The following FHIT variants were observed in gnomAD, a reference collection of about 807,000 sequenced individuals.
FHIT encodes the protein fragile histidine triad diadenosine triphosphatase.
FHIT carries 19 observed loss-of-function variants against 17.9 expected under a neutral mutation model. The observed-to-expected ratio is 1.06, with a 90% CI of 0.74 to 1.56. The LOEUF is 1.56. FHIT is among the 40% of genes most tolerant of loss of function. FHIT has a pLI of 0.00. For synonymous variants in FHIT, 81 were observed against 69.7 expected (o/e 1.16, Z -0.81); for missense variants, 248 against 189.2 (o/e 1.31, Z -1.82).
At chr3:60,143,982 T>G (rs1450331135) in intron 5 of FHIT, among the ~76,000 whole-genome samples, 1 of 152,126 alleles carries the variant, frequency 6.6e-6, no homozygotes, top group Non-Finnish European at 1.5e-5. Flanking sequence ...GCTTCCAAAG[T>G]AACAACACTA....
intron 5 of FHIT, among the ~76,000 whole-genome samples, chr3:60,212,020 G>C (rs945824336): frequency 1.3e-5 from 2 of 152,178 alleles, no homozygotes; most frequent in Non-Finnish European, 2.9e-5. Context: ...TAGTACACTA[G>C]GTTAAATTCT....
intron 3 of FHIT, among the ~76,000 whole-genome samples, chr3:60,888,530 C>T (rs1553759838): frequency 6.6e-6 from 1 of 151,946 alleles, no homozygotes; most frequent in African/African-American, 2.4e-5. Context: ...GTTTATTGAT[C>T]TCCTTTAAAT....
At chr3:60,789,949 A>G (rs2108117264) in intron 4 of FHIT, among the ~76,000 whole-genome samples, 1 of 152,320 alleles carries the variant, frequency 6.6e-6, no homozygotes, top group Non-Finnish European at 1.5e-5. Context: ...GTTTTCCCAG[A>G]AGTGTAGCGT....
rs529295505 is a variant in FHIT, at chr3:60,801,629, G to A, written c.-18+20290C>T. Among the ~76,000 whole-genome samples the A allele has an allele frequency of 2.0e-5, 3 of 152,310 alleles. No individual in the cohort carries two copies. The South Asian group carries it at 6.2e-4, about 32-fold the overall frequency. On this transcript the variant is annotated intron_variant, in intron 4 of 9. Transcript: ENST00000492590. ...ACGTCATGTGACCTTACAGACCAAG[G>A]TTATGCAAAAGAGAAATGAAAATTA...
intron 7 of FHIT, among the ~76,000 whole-genome samples, chr3:59,932,647 C>A (rs1471492055): frequency 6.6e-6 from 1 of 152,024 alleles, no homozygotes; most frequent in Non-Finnish European, 1.5e-5. Flanking sequence ...ATTAAGAAAA[C>A]AGGTGTTGAG....
chr3:61,062,474 A>T (rs992799952), intron 2 of FHIT, among the ~76,000 whole-genome samples: 4 of 152,308 alleles, frequency 2.6e-5, no homozygotes, highest in African/African-American at 4.8e-5. Flanking sequence ...ATACGATCTT[A>T]TATCTCTAGA....
chr3:60,955,386 G>C (rs570918745), intron 3 of FHIT, among the ~76,000 whole-genome samples: 1 of 151,962 alleles, frequency 6.6e-6, no homozygotes, highest in South Asian at 2.1e-4. Flanking sequence ...CCTTAGTTCT[G>C]GGGTGAATAG....
chr3:60,782,662 T>A (rs956259791), intron 4 of FHIT, among the ~76,000 whole-genome samples: 1 of 152,318 alleles, frequency 6.6e-6, no homozygotes, highest in South Asian at 2.1e-4. Flanking sequence ...CTTATTCCAT[T>A]CATGCTGCTA....
intron 2 of FHIT, among the ~76,000 whole-genome samples, chr3:61,074,015 G>T (rs1240764316): frequency 1.3e-5 from 2 of 152,174 alleles, no homozygotes; most frequent in Non-Finnish European, 2.9e-5. Context: ...TCCCAGGCAT[G>T]GGTTATTAGA....
At chr3:60,614,099 G>A (rs1211251997) in intron 4 of FHIT, among the ~76,000 whole-genome samples, 17 of 152,220 alleles carry the variant, frequency 1.1e-4, no homozygotes, top group Admixed American at 9.2e-4. Context: ...AAGCAGCCAT[G>A]ACTGGACACA....
chr3:60,186,026 G>A (rs528201734), intron 5 of FHIT, among the ~76,000 whole-genome samples: 7 of 151,994 alleles, frequency 4.6e-5, no homozygotes, highest in Non-Finnish European at 1.0e-4. Context: ...GAGTTGTAAG[G>A]GTTCTTTCTA....
chr3:59,903,899 C>G (rs1704453324), intron 8 of FHIT, among the ~76,000 whole-genome samples: 1 of 152,100 alleles, frequency 6.6e-6, no homozygotes, highest in Non-Finnish European at 1.5e-5. Context: ...CTTCCTCCAG[C>G]TTTGGAATGT....
intron 5 of FHIT, among the ~76,000 whole-genome samples, chr3:60,162,243 T>C (rs191906458): frequency 6.6e-6 from 1 of 152,322 alleles, no homozygotes; most frequent in African/African-American, 2.4e-5. Flanking sequence ...TTTTAAAATT[T>C]TGTTGTGTCA....
chr3:60,969,481 G>A (rs976260119), intron 3 of FHIT, among the ~76,000 whole-genome samples: 24 of 151,742 alleles, frequency 1.6e-4, no homozygotes, highest in African/African-American at 5.6e-4. Context: ...AAGAATTTAA[G>A]GCTATAAATT....
chr3:60,614,809 G>GTTTTTTTTTTTTTTTTTTTTTT (rs147892145), intron 4 of FHIT, among the ~76,000 whole-genome samples: 1 of 78,226 alleles, frequency 1.3e-5, no homozygotes, highest in Non-Finnish European at 2.4e-5. Context: ...TGCAAAAGTT[G>GTTTTTTTTTTTTTTTTTTTTTT]TTTTTTTTTT....
chr3:61,233,649 T>A (rs891658979), intron 1 of FHIT, among the ~76,000 whole-genome samples: 2 of 152,194 alleles, frequency 1.3e-5, no homozygotes, highest in East Asian at 1.9e-4. Context: ...AGTGGCAAGA[T>A]TATGGGTGAA....
chr3:60,963,537 G>T (rs1709566267), intron 3 of FHIT, among the ~76,000 whole-genome samples: 2 of 152,158 alleles, frequency 1.3e-5, no homozygotes, highest in African/African-American at 4.8e-5. Context: ...GTCAATTTTA[G>T]ATCTTTCCTG....
At chr3:60,071,455 T>C (rs1257388310) in intron 5 of FHIT, among the ~76,000 whole-genome samples, 1 of 152,204 alleles carries the variant, frequency 6.6e-6, no homozygotes, top group Middle Eastern at 3.2e-3. Flanking sequence ...CCTCTTGATT[T>C]CTGTACTATA....
chr3:61,097,078 C>CAA (rs4020380), intron 2 of FHIT, among the ~76,000 whole-genome samples: 9 of 99,724 alleles, frequency 9.0e-5, no homozygotes, highest in Admixed American at 2.1e-4. Flanking sequence ...GACTCAATCT[C>CAA]AAAAAAAAAA....
Sources: allele counts gnomAD v4.1 joint callset (sites outside exome capture counted in the v4.1 genomes callset), GRCh38; gene constraint gnomAD v4.1.1; transcripts MANE v1.5; gene names NCBI Gene and HGNC (gene_info 2026-07-23, HGNC 2026-07-21).